The following FER1L6 variants were observed in gnomAD, a reference collection of about 807,000 sequenced individuals.
The protein encoded by FER1L6 is fer-1-like protein 6.
Under a neutral mutation model 219.2 loss-of-function variants are expected in FER1L6, and 177 were observed. The ratio of observed to expected loss-of-function variants is 0.81; its 90% CI spans 0.71 to 0.91. FER1L6 has a LOEUF of 0.91. Ranked by LOEUF, FER1L6 falls within the 40% of genes least tolerant of loss-of-function variation. The pLI, the probability that FER1L6 is intolerant of heterozygous loss-of-function variation, is 0.00. For synonymous variants in FER1L6, 768 were observed against 824.3 expected, an observed-to-expected ratio of 0.93 and a Z score of 1.17; for missense variants, 2,153 against 2,259.9, an observed-to-expected ratio of 0.95 and a Z score of 0.96.
rs145136108 is a variant in FER1L6, at chr8:123,973,220, T to C, written c.448-214T>C. ...TTGGTTAAAGGAAGCTTGCAGGCAC[T>C]GAGAGTTGACAGGCATCCTTCTATG... On this transcript the variant is annotated intron_variant, in intron 6 of 40. Coordinates refer to ENST00000522917, the MANE Select transcript of FER1L6 (RefSeq NM_001039112.2). Among the ~76,000 whole-genome samples the C allele has an allele frequency of 5.7e-4, 87 of 152,286 alleles. 2 individuals carry two copies. The East Asian group carries it at 0.015, about 26-fold the overall frequency.
intron 1 of FER1L6, among the ~76,000 whole-genome samples, chr8:123,951,804 T>C (rs1215718638): frequency 6.6e-6 from 1 of 152,228 alleles, no homozygotes; most frequent in African/African-American, 2.4e-5. Context: ...CTGGGTGTTA[T>C]GGCTTTGGGT....
Position 124,091,684 on chromosome 8 carries a change from T to TGGCCA in FER1L6, c.4552+105_4552+109dup, listed in dbSNP as rs1822036352. ...GGGACATCTAATTATAAAAGTAATG[T>TGGCCA]GGCCAGGCACAGTGGCTCACGTCTG... is the stretch of plus-strand genomic sequence containing the variant. On this transcript the variant is annotated intron_variant, in intron 34 of 40. Transcript: ENST00000522917. 2.3e-6 allele frequency: 3 copies of TGGCCA among 1,306,262 alleles called. No individual in the cohort carries two copies. The Admixed American group carries it at 5.6e-5, about 24-fold the overall frequency. The allele number at this position is 1,306,262 out of a possible 1,614,324, so 80.9% of individuals were successfully genotyped here.
At chr8:123,985,782 A>G (rs890967075) in intron 11 of FER1L6, 1 of 279,638 alleles carries the variant, frequency 3.6e-6, no homozygotes, top group Non-Finnish European at 6.7e-6. Flanking sequence ...TCCTAGAAAG[A>G]TACGCACACC....
In FER1L6 at chr8:123,894,880, C is replaced by T. The variant is rs148303082; in HGVS notation, c.-8+42695C>T. Among the ~76,000 whole-genome samples the T allele has an allele frequency of 1.4e-3, 215 of 152,224 alleles. 1 individual carries two copies. Among genetic ancestry groups the T allele is most frequent in the African/African-American group, 5.2e-3 (214 of 41,536 alleles). On this transcript the variant is annotated intron_variant, in intron 1 of 40. Transcript: ENST00000522917. Reference sequence around the variant, plus strand: ...GGTAATGATAGTAATGGAGTACAATCCACTGAATAAAATAGAAAACTGTGA... The same window carrying T: ...GGTAATGATAGTAATGGAGTACAATTCACTGAATAAAATAGAAAACTGTGA...
At chr8:123,857,370 CAT>C (rs1288869926) in intron 1 of FER1L6, among the ~76,000 whole-genome samples, 1 of 152,030 alleles carries the variant, frequency 6.6e-6, no homozygotes, top group African/African-American at 2.4e-5. Flanking sequence ...ATTAGCCAGA[CAT>C]TGTGGCATGC....
intron 2 of FER1L6, among the ~76,000 whole-genome samples, chr8:123,957,215 A>G (rs780950340): frequency 6.6e-6 from 1 of 152,192 alleles, no homozygotes; most frequent in Admixed American, 6.5e-5. Flanking sequence ...ACCTATCCTT[A>G]TGGTAGAAAA....
At chr8:123,887,356 G>T (rs1817222533) in intron 1 of FER1L6, among the ~76,000 whole-genome samples, 1 of 152,154 alleles carries the variant, frequency 6.6e-6, no homozygotes, top group African/African-American at 2.4e-5. Context: ...GAACCGATTT[G>T]GTTCCCTCCT....
intron 15 of FER1L6, among the ~76,000 whole-genome samples, chr8:124,017,186 C>T (rs941927256): frequency 4.6e-5 from 7 of 152,062 alleles, no homozygotes; most frequent in African/African-American, 1.7e-4. Flanking sequence ...TTTAACTTTA[C>T]CTCCAAAAAA....
At chr8:124,049,230 T>A (rs1342539494) in intron 21 of FER1L6, among the ~76,000 whole-genome samples, 1 of 152,070 alleles carries the variant, frequency 6.6e-6, no homozygotes. Context: ...GTATTTTTAG[T>A]AGAGACAGGG....
At position 123,986,154 on chromosome 8, in the gene FER1L6, C is replaced by G; in HGVS notation, c.1497C>G (p.Pro499=). The G allele has an allele frequency of 6.2e-7, 1 of 1,611,182 alleles. No individual in the cohort carries two copies. The highest frequency in any genetic ancestry group is 8.5e-7 in the Non-Finnish European group (1 of 1,177,418). Residue 499 remains proline, a synonymous_variant, in exon 12 of 41, where the codon CCC becomes CCG. Coordinates refer to ENST00000522917, the MANE Select transcript of FER1L6 (RefSeq NM_001039112.2). ...TMIDRKIGDK[P]ISFEVSIGNF... Reference sequence around the variant, plus strand: ...TTGACCGGAAGATTGGAGATAAACCCATCAGCTTTGAAGTTTCTATTGGTA... The same window carrying G: ...TTGACCGGAAGATTGGAGATAAACCGATCAGCTTTGAAGTTTCTATTGGTA...
At position 123,975,917 on chromosome 8, in the gene FER1L6, G is replaced by C. The variant is rs745638659; in HGVS notation, c.703G>C (p.Gly235Arg). 1.9e-6 allele frequency: 3 copies of C among 1,603,360 alleles called. No individual in the cohort carries two copies. Among genetic ancestry groups the C allele is most frequent in the East Asian group, 4.5e-5 (2 of 44,526 alleles). ...PIEKNLLIPN[G>R]FPLERPWARF... is the part of the protein sequence containing the mutation. The stretch of plus-strand genomic sequence containing the variant: ...TCTAAGGAACCTTTTGATCCCCAAT[G>C]GGTTTCCACTGGAGAGACCGTGGGC... Residue 235 changes from glycine to arginine, a missense_variant, in exon 9 of 41, where the codon GGG becomes CGG. Physicochemically the swap from Gly to Arg is moderately radical, Grantham distance 125. Transcript: ENST00000522917.
intron 22 of FER1L6, among the ~76,000 whole-genome samples, chr8:124,053,269 A>G (rs1820133644): frequency 1.3e-5 from 2 of 152,134 alleles, no homozygotes; most frequent in East Asian, 3.9e-4. Context: ...GCATTTCTCA[A>G]GCTTTCTTGT....
At chr8:124,041,111 A>G (rs1034504007) in intron 20 of FER1L6, among the ~76,000 whole-genome samples, 1 of 152,192 alleles carries the variant, frequency 6.6e-6, no homozygotes, top group African/African-American at 2.4e-5. Context: ...TGTGGTTTGA[A>G]AAGAGGAAAA....
At chr8:123,872,039 G>T (rs1455891440) in intron 1 of FER1L6, among the ~76,000 whole-genome samples, 2 of 152,156 alleles carry the variant, frequency 1.3e-5, no homozygotes, top group Non-Finnish European at 2.9e-5. Flanking sequence ...TTCTGGAGAG[G>T]CCTCAGGAAG....
intron 1 of FER1L6, among the ~76,000 whole-genome samples, chr8:123,907,448 A>T (rs766738018): frequency 1.8e-4 from 28 of 151,996 alleles, no homozygotes; most frequent in African/African-American, 6.3e-4. Context: ...CCAGTATCTG[A>T]TGGGGCAACC....
At chr8:124,044,807 A>G (rs924210298) in intron 20 of FER1L6, among the ~76,000 whole-genome samples, 18 of 152,216 alleles carry the variant, frequency 1.2e-4, no homozygotes, top group Non-Finnish European at 2.5e-4. Context: ...CAGGTTTCCA[A>G]ACATCCAATT....
In FER1L6 at chr8:124,094,810, G is replaced by C. The variant is rs1168721102; in HGVS notation, c.4553-86G>C. The C allele has an allele frequency of 4.2e-6, 6 of 1,426,350 alleles. No homozygotes were observed. In the Admixed American group the frequency reaches 8.4e-5, roughly 20 times the overall value. The allele number at this position is 1,426,350 out of a possible 1,614,324, so 88.4% of individuals were successfully genotyped here. ...CCCCTTGGTACATTTAAATAAGCCT[G>C]TAAGTGTTTAAAAATGCATGTGGCA... On this transcript the variant is annotated intron_variant, in intron 34 of 40. Coordinates refer to ENST00000522917, the MANE Select transcript of FER1L6 (RefSeq NM_001039112.2).
chr8:124,028,571 T>C (rs180753612), intron 18 of FER1L6, among the ~76,000 whole-genome samples: 199 of 152,298 alleles, frequency 1.3e-3, no homozygotes, highest in African/African-American at 4.2e-3. Context: ...AATGTAAATC[T>C]CTAAACTCTC....
chr8:123,856,357 C>A (rs1816650587), intron 1 of FER1L6, among the ~76,000 whole-genome samples: 1 of 74,768 alleles, frequency 1.3e-5, no homozygotes, highest in South Asian at 4.7e-4. Flanking sequence ...TATTAGGGTC[C>A]AGGCCTCATA....
Sources: gnomAD v4.1 joint callset for allele counts (sites outside exome capture counted in the v4.1 genomes callset) on GRCh38, gnomAD v4.1.1 for gene constraint, MANE v1.5 for transcripts, NCBI Gene and HGNC (gene_info 2026-07-23, HGNC 2026-07-21) for gene names.